The following SLC27A6 variants were observed in gnomAD, a reference collection of about 807,000 sequenced individuals.
SLC27A6 encodes the protein long-chain fatty acid transport protein 6.
Under a neutral mutation model 63.9 loss-of-function variants are expected in SLC27A6, and 74 were observed. The ratio of observed to expected loss-of-function variants is 1.16; its 90% CI spans 0.96 to 1.40. The LOEUF is 1.40. Ranked by LOEUF, SLC27A6 falls within the 40% of genes most tolerant of loss-of-function variation. SLC27A6 has a pLI of 0.00. For missense variants in SLC27A6, 794 were observed against 732.9 expected (o/e 1.08, Z -0.96); for synonymous variants, 287 against 260.8 (o/e 1.10, Z -0.97).
At chr5:128,970,855 G>A (rs1459546152) in intron 1 of SLC27A6, among the ~76,000 whole-genome samples, 2 of 151,052 alleles carry the variant, frequency 1.3e-5, no homozygotes, top group African/African-American at 4.9e-5. Flanking sequence ...ATGTTAGGGT[G>A]TCAATTTTAG....
intron 1 of SLC27A6, among the ~76,000 whole-genome samples, chr5:128,977,614 A>T (rs1459414610): frequency 2.6e-5 from 4 of 152,200 alleles, no homozygotes; most frequent in Non-Finnish European, 5.9e-5. Flanking sequence ...TCTAGTTCCC[A>T]TGCCACCTTG....
chr5:129,017,261 T>C (rs2150150598), intron 5 of SLC27A6, among the ~76,000 whole-genome samples: 1 of 152,248 alleles, frequency 6.6e-6, no homozygotes, highest in East Asian at 1.9e-4. Context: ...ACAGTTTAAT[T>C]GTTGGTAGAA....
chr5:129,011,009 C>A (rs1047485884), intron 4 of SLC27A6, among the ~76,000 whole-genome samples: 1 of 152,096 alleles, frequency 6.6e-6, no homozygotes, highest in African/African-American at 2.4e-5. Flanking sequence ...GAAGACTATT[C>A]CATTATGTTA....
At position 128,966,133 on chromosome 5, in the gene SLC27A6, C is replaced by A. The variant is rs568859679; in HGVS notation, c.-5C>A. 1 of 1,532,682 alleles carries A rather than the reference C, an allele frequency of 6.5e-7. No homozygotes were observed. Among genetic ancestry groups the A allele is most frequent in the Non-Finnish European group, 8.7e-7 (1 of 1,144,938 alleles). 94.9% of individuals were successfully genotyped at this position (1,532,682 alleles called of 1,614,324 possible). On this transcript the variant is annotated 5_prime_UTR_variant, in exon 1 of 10. Coordinates refer to ENST00000262462, the MANE Select transcript of SLC27A6 (RefSeq NM_001017372.3). ...TCAGAGCTGTCTTCTGGCCCAGTTG[C>A]CCCCATGCTTCTGTCATGGCTAACA... is the stretch of plus-strand genomic sequence containing the variant.
chr5:129,016,493 T>A (rs1030354004), intron 5 of SLC27A6, among the ~76,000 whole-genome samples: 3 of 151,482 alleles, frequency 2.0e-5, no homozygotes, highest in South Asian at 2.1e-4. Context: ...TCACCTTTTT[T>A]TTTTTTTAAG....
intron 1 of SLC27A6, among the ~76,000 whole-genome samples, chr5:128,976,595 A>G (rs1216977077): frequency 2.0e-5 from 3 of 152,232 alleles, no homozygotes; most frequent in African/African-American, 7.2e-5. Context: ...GTCTTTAAAA[A>G]ACAATTGCCT....
intron 3 of SLC27A6, among the ~76,000 whole-genome samples, chr5:128,989,923 C>CAAAAAAAAAAA (rs11415836): frequency 2.1e-5 from 2 of 96,450 alleles, no homozygotes; most frequent in African/African-American, 4.2e-5. Context: ...GACTCCGTCT[C>CAAAAAAAAAAA]AAAAAAAAAA....
At chr5:128,995,182 A>T (rs6859805) in intron 4 of SLC27A6, among the ~76,000 whole-genome samples, 30,745 of 152,130 alleles carry the variant, frequency 0.2, 3,323 homozygotes, top group Non-Finnish European at 0.24. Context: ...AATATGTTGG[A>T]ACTCTAGACA....
chr5:128,977,984 G>C (rs1215798413), intron 1 of SLC27A6, among the ~76,000 whole-genome samples: 2 of 152,028 alleles, frequency 1.3e-5, no homozygotes, highest in Admixed American at 1.3e-4. Context: ...TGAAAAATTG[G>C]GGGAAAGGTT....
At chr5:129,009,019 A>G (rs2150146365) in intron 4 of SLC27A6, among the ~76,000 whole-genome samples, 1 of 151,944 alleles carries the variant, frequency 6.6e-6, no homozygotes, top group Admixed American at 6.6e-5. Flanking sequence ...GGTACCCACT[A>G]CCACGCCCAA....
intron 1 of SLC27A6, among the ~76,000 whole-genome samples, chr5:128,980,336 A>C (rs760210423): frequency 3.3e-5 from 5 of 152,202 alleles, no homozygotes; most frequent in Non-Finnish European, 5.9e-5. Context: ...GTCACTTTTC[A>C]AAAGAGGAGA....
At chr5:129,017,798 C>A (rs1186081845) in intron 5 of SLC27A6, among the ~76,000 whole-genome samples, 1 of 152,078 alleles carries the variant, frequency 6.6e-6, no homozygotes, top group African/African-American at 2.4e-5. Flanking sequence ...AGTATTGACT[C>A]AAGAATTATT....
intron 5 of SLC27A6, among the ~76,000 whole-genome samples, chr5:129,017,277 T>G (rs1410619915): frequency 3.3e-5 from 5 of 152,088 alleles, no homozygotes; most frequent in Admixed American, 2.6e-4. Context: ...TAGAAATAAT[T>G]TTTTTAAAAG....
intron 1 of SLC27A6, among the ~76,000 whole-genome samples, chr5:128,976,688 C>A (rs1750396942): frequency 1.1e-5 from 1 of 89,346 alleles, no homozygotes; most frequent in Admixed American, 1.1e-4. Flanking sequence ...AAACTATGCA[C>A]CATTTCAGTG....
At position 128,996,884 on chromosome 5, in the gene SLC27A6, G is replaced by T. The variant is rs190272028; in HGVS notation, c.969+6420G>T. On this transcript the variant is annotated intron_variant, in intron 4 of 9. Transcript: ENST00000262462. ...GTTTGTTTGTTCATTTGTTTCGCCA[G>T]TTACTTTTTGAATGGGACCAAAGAC... 4.3e-4 allele frequency among the ~76,000 whole-genome samples: 66 copies of T among 152,270 alleles called. 1 individual carries two copies. The highest frequency in any genetic ancestry group is 8.2e-4 in the Non-Finnish European group (56 of 67,990).
chr5:129,025,460 A>ATATG (rs1180596563), intron 6 of SLC27A6, among the ~76,000 whole-genome samples: 1 of 152,074 alleles, frequency 6.6e-6, no homozygotes, highest in Non-Finnish European at 1.5e-5. Context: ...ATATATATAT[A>ATATG]TACTCCGACT....
chr5:129,021,757 C>T (rs888846668), intron 5 of SLC27A6, among the ~76,000 whole-genome samples: 2 of 152,166 alleles, frequency 1.3e-5, no homozygotes, highest in African/African-American at 4.8e-5. Flanking sequence ...AGCATTAATC[C>T]TCTGCTCCAG....
At chr5:128,996,076 G>A (rs1449672266) in intron 4 of SLC27A6, among the ~76,000 whole-genome samples, 1 of 152,148 alleles carries the variant, frequency 6.6e-6, no homozygotes, top group Admixed American at 6.5e-5. Flanking sequence ...AGATGAATAA[G>A]CTAAATAGGC....
At chr5:129,006,446 A>AGTGTGTGTGTGTGTGTGTGT (rs72056782) in intron 4 of SLC27A6, among the ~76,000 whole-genome samples, 2 of 144,044 alleles carry the variant, frequency 1.4e-5, no homozygotes, top group Admixed American at 6.9e-5. Context: ...TATATGCATG[A>AGTGTGTGTGTGTGTGTGTGT]GTGTGTGTGT....
Sources: gnomAD v4.1 joint callset for allele counts (sites outside exome capture counted in the v4.1 genomes callset) on GRCh38, gnomAD v4.1.1 for gene constraint, MANE v1.5 for transcripts, NCBI Gene and HGNC (gene_info 2026-07-23, HGNC 2026-07-21) for gene names.